ERCC1: variants seen among roughly 807,000 people sequenced by gnomAD.
ERCC1 encodes DNA excision repair protein ERCC-1.
A neutral mutation model predicts 37.6 loss-of-function variants in ERCC1; 36 were observed. The ratio of observed to expected loss-of-function variants is 0.96; its 90% CI spans 0.73 to 1.26. The LOEUF is 1.26. Among genes scored for constraint, ERCC1 ranks in the 50% most tolerant of loss-of-function variants. ERCC1 has a pLI of 0.00. For missense variants in ERCC1, 349 were observed against 376.5 expected (o/e 0.93, Z 0.60); for synonymous variants, 156 against 162.1 (o/e 0.96, Z 0.28).
chr19:45,427,901 T>A (rs982790917), upstream of ERCC1, among the ~76,000 whole-genome samples: 2 of 152,140 alleles, frequency 1.3e-5, no homozygotes, highest in African/African-American at 4.8e-5. Context: ...TTCATTTCCT[T>A]GAAGCAGAAG....
In ERCC1 at chr19:45,408,205, C is replaced by T. The variant is rs1400626711; in HGVS notation, c.*1470G>A. The T allele has an allele frequency of 1.9e-6, 3 of 1,613,938 alleles. No homozygotes were observed. Among genetic ancestry groups the T allele is most frequent in the East Asian group, 4.5e-5 (2 of 44,904 alleles). ...GCAAATTGGCAGGCAAGCGGCACCGCTATCGAGTCCTCAGCAGCTGTCCCC... is the reference window on the plus strand; with the variant it reads ...GCAAATTGGCAGGCAAGCGGCACCGTTATCGAGTCCTCAGCAGCTGTCCCC... On this transcript the variant is annotated 3_prime_UTR_variant, in exon 10 of 10. Coordinates refer to ENST00000300853, the MANE Select transcript of ERCC1 (RefSeq NM_001983.4).
upstream of ERCC1, among the ~76,000 whole-genome samples, chr19:45,428,618 C>T (rs1238042376): frequency 2.6e-5 from 4 of 152,218 alleles, no homozygotes; most frequent in African/African-American, 9.6e-5. Context: ...ACTTCGAGCC[C>T]TTTGTTCGCC....
upstream of ERCC1, among the ~76,000 whole-genome samples, chr19:45,426,408 G>A (rs1278329788): frequency 4.8e-5 from 7 of 147,018 alleles, no homozygotes; most frequent in Admixed American, 2.8e-4. Context: ...AAAATTAGCC[G>A]GGCATGGTGG....
chr19:45,434,671 C>A (rs534875612), intron 1 of ERCC1, among the ~76,000 whole-genome samples: 72 of 151,826 alleles, frequency 4.7e-4, no homozygotes, highest in African/African-American at 1.6e-3. Flanking sequence ...CTGCAACCTT[C>A]GCCTCCCGGG....
At chr19:45,436,927 A>G (rs1452735767) in intron 1 of ERCC1, among the ~76,000 whole-genome samples, 2 of 151,894 alleles carry the variant, frequency 1.3e-5, no homozygotes, top group African/African-American at 2.4e-5. Flanking sequence ...CTCCATATAT[A>G]GTGGATTCCA....
intron 1 of ERCC1, 188 bp from the exon 2 acceptor site, chr19:45,423,569 C>A: frequency 7.0e-7 from 1 of 1,430,298 alleles, no homozygotes; most frequent in Non-Finnish European, 9.1e-7. Context: ...GCTCGCCCCG[C>A]CCCTTACAGG....
chr19:45,424,595 T>C (rs1974625313), upstream of ERCC1, among the ~76,000 whole-genome samples: 1 of 152,242 alleles, frequency 6.6e-6, no homozygotes, highest in South Asian at 2.1e-4. Context: ...GGAATGTTTT[T>C]TGTGAAAGTA....
intron 9 of ERCC1, among the ~76,000 whole-genome samples, chr19:45,413,183 T>G (rs3212980): frequency 0.26 from 39,918 of 152,146 alleles, 5,404 homozygotes; most frequent in Admixed American, 0.35. Context: ...TTTCATGCAT[T>G]GAGGTCTTAG....
Position 45,419,100 on chromosome 19 carries a change from C to A in ERCC1, c.523G>T (p.Val175Leu), listed in dbSNP as rs1305244369. The change falls in exon 5 of 10, where the codon GTG becomes TTG. Residue 175 changes from valine (V) to leucine (L), a missense_variant and splice_region_variant. Val to Leu is a conservative substitution (Grantham distance 32). Coordinates refer to ENST00000300853, the MANE Select transcript of ERCC1 (RefSeq NM_001983.4). ...ALRVLLVQVD[V>L]KDPQQALKEL... The stretch of plus-strand genomic sequence containing the variant: ...GCTAGGGAGCAGCCCCTGCTTACCA[C>A]ATCCACCTGGACAAGCAGGACCCGC... 7 of 1,570,470 alleles carry A rather than the reference C, an allele frequency of 4.5e-6. No homozygotes were observed. Among genetic ancestry groups the A allele is most frequent in the Non-Finnish European group, 6.1e-6 (7 of 1,156,046 alleles).
Position 45,409,172 on chromosome 19 carries a change from G to C in ERCC1, c.*503C>G, listed in dbSNP as rs778172332. ...AGATGCCACAGTGGAGCCAGAGACA[G>C]AGGTGGTGGGGCCTGAGCTGCCGGA... On this transcript the variant is annotated 3_prime_UTR_variant, in exon 10 of 10. Transcript: ENST00000300853. 1 of 1,613,632 alleles carries C rather than the reference G, an allele frequency of 6.2e-7. No homozygotes were observed. The highest frequency in any genetic ancestry group is 8.5e-7 in the Non-Finnish European group (1 of 1,179,714).
chr19:45,434,512 T>C (rs569769548), intron 1 of ERCC1, among the ~76,000 whole-genome samples: 75 of 152,210 alleles, frequency 4.9e-4, no homozygotes, highest in African/African-American at 1.8e-3. Flanking sequence ...AAAGAGAATC[T>C]ATCTGGCAGT....
intron 2 of ERCC1, 59 bp downstream of exon 2, chr19:45,423,211 T>C (rs1244078954): frequency 6.6e-7 from 1 of 1,524,544 alleles, no homozygotes; most frequent in East Asian, 2.4e-5. Context: ...GGCCCCATCC[T>C]ATCCTCTTCG....
rs1251356452 is a variant in ERCC1 at position 45,423,813 on chromosome 19, G to A, written c.-40C>T. Reference sequence around the variant, plus strand: ...CCGGGCCTCACGGTTTCAGCGCCGCGAGGCCTCACCTGCTGGTCTTGGAGC... The same window carrying A: ...CCGGGCCTCACGGTTTCAGCGCCGCAAGGCCTCACCTGCTGGTCTTGGAGC... On this transcript the variant is annotated 5_prime_UTR_variant, in exon 1 of 10. Coordinates refer to ENST00000300853, the MANE Select transcript of ERCC1 (RefSeq NM_001983.4). 1.8e-6 allele frequency: 2 copies of A among 1,130,604 alleles called. No homozygotes were observed. Among genetic ancestry groups the A allele is most frequent in the Non-Finnish European group, 2.2e-6 (2 of 915,414 alleles). 70.0% of individuals were successfully genotyped at this position (1,130,604 alleles called of 1,614,324 possible).
Position 45,407,392 on chromosome 19 carries a change from G to C in ERCC1, c.*2283C>G. ...TCCTTTACAGAGTAGAGTGTCCTCA[G>C]AAAGCAGGGGGAGAAACCCACAGCC... is the stretch of plus-strand genomic sequence containing the variant. On this transcript the variant is annotated 3_prime_UTR_variant, in exon 10 of 10. Transcript: ENST00000300853. 1.5e-6 allele frequency: 1 copy of C among 647,984 alleles called. No homozygotes were observed. Among genetic ancestry groups the C allele is most frequent in the Admixed American group, 3.5e-5 (1 of 28,510 alleles). 40.1% of individuals were successfully genotyped at this position (647,984 alleles called of 1,614,324 possible). A position where few individuals can be genotyped will look rare whatever the true frequency, so the allele number is the denominator to read the frequency against.
At chr19:45,423,487 CCATA>C in intron 1 of ERCC1, 106 bp from the exon 2 acceptor site, 1 of 1,509,414 alleles carries the variant, frequency 6.6e-7, no homozygotes, top group Non-Finnish European at 8.8e-7. Context: ...TCCGAGAGCT[CCATA>C]GCGTCAGGTC....
chr19:45,415,081 C>T (rs538204007), intron 6 of ERCC1, 121 bp from the exon 7 acceptor site: 7 of 667,544 alleles, frequency 1.0e-5, no homozygotes, highest in South Asian at 7.6e-5. Flanking sequence ...CGCCTGTAAT[C>T]CCAGCACTTT....
chr19:45,408,470 A>AGG lies in ERCC1; in HGVS notation c.*1204_*1205insCC. Reference sequence around the variant, plus strand: ...AGGGCCTAGGTCAGCCTTGGCCCCCAACCTGCTCACCTCAGGGAAGAAGAA... The same window carrying AGG: ...AGGGCCTAGGTCAGCCTTGGCCCCCAGGACCTGCTCACCTCAGGGAAGAAGAA... On this transcript the variant is annotated 3_prime_UTR_variant, in exon 10 of 10. Transcript: ENST00000300853. 1 of 1,613,934 alleles carries AGG rather than the reference A, an allele frequency of 6.2e-7. No individual in the cohort carries two copies. Among genetic ancestry groups the AGG allele is most frequent in the Non-Finnish European group, 8.5e-7 (1 of 1,179,950 alleles).
chr19:45,419,299 TG>T, intron 4 of ERCC1, 102 bp from the exon 5 acceptor site: 1 of 842,772 alleles, frequency 1.2e-6, no homozygotes, highest in South Asian at 1.4e-5. Context: ...GAGTACGGCA[TG>T]GGGGACAGAG....
rs1383282067 is a variant in ERCC1, at chr19:45,423,297, G to A, written c.78C>T (p.Leu26=). Residue 26 remains leucine, a synonymous_variant, in exon 2 of 10, where the codon CTC becomes CTT. Transcript: ENST00000300853. ...CTCCAGGAGGGACCTCATCCTCGTC[G>A]AGGGGTATCACAAATTTCTTCCTTG... is the stretch of plus-strand genomic sequence containing the variant. The part of the protein sequence containing the change: ...PPARKKFVIP[L]DEDEVPPGVA... 1.2e-6 allele frequency: 2 copies of A among 1,613,818 alleles called. No individual in the cohort carries two copies. Among genetic ancestry groups the A allele is most frequent in the Non-Finnish European group, 8.5e-7 (1 of 1,179,940 alleles).
Sources: gnomAD v4.1 joint callset for allele counts (sites outside exome capture counted in the v4.1 genomes callset) on GRCh38, gnomAD v4.1.1 for gene constraint, MANE v1.5 for transcripts, NCBI Gene and HGNC (gene_info 2026-07-23, HGNC 2026-07-21) for gene names.